BIRC6: variants seen among roughly 807,000 people sequenced by gnomAD.
The protein encoded by BIRC6 is baculoviral IAP repeat containing 6.
Under a neutral mutation model 503.3 loss-of-function variants are expected in BIRC6, and 98 were observed. The observed-to-expected ratio is 0.19, with a 90% CI of 0.17 to 0.23. The LOEUF is 0.23. Among genes scored for constraint, BIRC6 ranks in the 10% least tolerant of loss-of-function variants. BIRC6 has a pLI of 1.00. For missense variants in BIRC6, 5,360 were observed against 5,806.0 expected (o/e 0.92, Z 2.50); for synonymous variants, 2,240 against 2,078.7 (o/e 1.08, Z -2.11).
At chr2:32,519,826 C>A (rs1040585462) in intron 57 of BIRC6, among the ~76,000 whole-genome samples, 1 of 152,118 alleles carries the variant, frequency 6.6e-6, no homozygotes, top group African/African-American at 2.4e-5. Flanking sequence ...CCCATATCAA[C>A]TTTAGATAGT....
In BIRC6 at chr2:32,441,390, G is replaced by A. The variant is rs753493760; in HGVS notation, c.3872G>A (p.Arg1291Gln). 4 of 1,609,590 alleles carry A rather than the reference G, an allele frequency of 2.5e-6. No individual in the cohort carries two copies. In the African/African-American group the frequency reaches 4.0e-5, roughly 16 times the overall value. ...TSGTRKSENLRGCDLLQEVSV... is the reference protein window; with the variant it reads ...TSGTRKSENLQGCDLLQEVSV... ...GGCACCCGTAAATCTGAAAACCTCCGGGGCTGTGATTTACTTCAAGAGGTC... is the reference window on the plus strand; with the variant it reads ...GGCACCCGTAAATCTGAAAACCTCCAGGGCTGTGATTTACTTCAAGAGGTC... The change falls in exon 17 of 74, where the codon CGG becomes CAG. Residue 1291 changes from arginine (R) to glutamine (Q), a missense_variant. Transcript: ENST00000421745.
rs1223260431 is a variant in BIRC6, at chr2:32,577,188, T to C, written c.13355+1822T>C. ...TATTCCCTTCCCTGGCCATCTGTGT[T>C]GCTTATTCTTGTAGAATAAACATAG... On this transcript the variant is annotated intron_variant, in intron 66 of 73. Coordinates refer to ENST00000421745, the MANE Select transcript of BIRC6 (RefSeq NM_016252.4). Among the ~76,000 whole-genome samples the C allele has an allele frequency of 2.0e-5, 3 of 152,168 alleles. No homozygotes were observed. The South Asian group carries it at 6.2e-4, about 31-fold the overall frequency.
At chr2:32,391,379 G>C (rs1206035244) in intron 4 of BIRC6, among the ~76,000 whole-genome samples, 3 of 152,020 alleles carry the variant, frequency 2.0e-5, no homozygotes, top group Non-Finnish European at 4.4e-5. Context: ...CTGTTTTATT[G>C]GGTAATATAA....
chr2:32,532,218 T>C (rs745706952), intron 61 of BIRC6: 7 of 530,424 alleles, frequency 1.3e-5, no homozygotes, highest in Non-Finnish European at 2.3e-5. Context: ...TTTCCTGAGC[T>C]GCTGTACCAA....
intron 24 of BIRC6, among the ~76,000 whole-genome samples, chr2:32,464,094 T>C (rs576032760): frequency 6.6e-6 from 1 of 152,312 alleles, no homozygotes; most frequent in East Asian, 1.9e-4. Context: ...CAAAAGTGTC[T>C]TCCATGAAAC....
chr2:32,543,630 T>A (rs1365672559), intron 62 of BIRC6, 89 bp downstream of exon 62: 27 of 1,276,192 alleles, frequency 2.1e-5, no homozygotes, highest in Middle Eastern at 4.9e-4. Context: ...ATCATTTATT[T>A]CCTTCATAGT....
chr2:32,423,926 G>A (rs187065018), intron 10 of BIRC6, among the ~76,000 whole-genome samples: 77 of 152,252 alleles, frequency 5.1e-4, no homozygotes, highest in African/African-American at 1.8e-3. Flanking sequence ...CAGATTGTCT[G>A]TCACTGGTAT....
At chr2:32,368,665 C>T (rs1452845199) in intron 1 of BIRC6, among the ~76,000 whole-genome samples, 1 of 152,112 alleles carries the variant, frequency 6.6e-6, no homozygotes, top group African/African-American at 2.4e-5. Flanking sequence ...CCCCTGTCCC[C>T]TTTTGAAACG....
intron 15 of BIRC6, among the ~76,000 whole-genome samples, chr2:32,437,618 G>C (rs1035440449): frequency 6.6e-6 from 1 of 152,100 alleles, no homozygotes; most frequent in African/African-American, 2.4e-5. Flanking sequence ...TCTGGTTTTG[G>C]AATATTTGTG....
intron 34 of BIRC6, 40 bp downstream of exon 34, chr2:32,476,384 T>C (rs374774482): frequency 3.4e-5 from 52 of 1,528,278 alleles, no homozygotes; most frequent in Middle Eastern, 1.7e-4. Context: ...CTCAGAAAAG[T>C]CAAGGAGTTA....
chr2:32,567,176 G>A (rs937398379), intron 65 of BIRC6, among the ~76,000 whole-genome samples: 1 of 151,828 alleles, frequency 6.6e-6, no homozygotes, highest in Non-Finnish European at 1.5e-5. Context: ...TGCCATGTTG[G>A]CTAGGCTGGT....
chr2:32,550,160 G>C (rs919104560), intron 65 of BIRC6, among the ~76,000 whole-genome samples: 2 of 151,930 alleles, frequency 1.3e-5, no homozygotes, highest in African/African-American at 2.4e-5. Context: ...TTTCAACTCT[G>C]TTTTACTCAT....
intron 27 of BIRC6, 70 bp downstream of exon 27, chr2:32,467,809 T>C: frequency 6.9e-7 from 1 of 1,454,820 alleles, no homozygotes; most frequent in South Asian, 1.4e-5. Context: ...AATGAATATA[T>C]AATTAAAAAA....
chr2:32,373,646 A>G (rs1487001691), intron 1 of BIRC6, among the ~76,000 whole-genome samples: 2 of 152,226 alleles, frequency 1.3e-5, no homozygotes, highest in Non-Finnish European at 2.9e-5. Flanking sequence ...GTGGGAATAT[A>G]AAATGGTGCA....
Position 32,467,988 on chromosome 2 carries a change from C to G in BIRC6, c.5657C>G (p.Pro1886Arg). The G allele has an allele frequency of 6.2e-7, 1 of 1,613,738 alleles. No homozygotes were observed. The highest frequency in any genetic ancestry group is 8.5e-7 in the Non-Finnish European group (1 of 1,179,800). The change falls in exon 28 of 74, where the codon CCT (proline) becomes CGT (arginine). Residue 1886 changes from proline (P) to arginine (R), a missense_variant. Transcript: ENST00000421745. ...GFYYGHTYIL[P>R]WESELKLMHD... ...TACTATGGTCATACCTACATCTTGCCTTGGGAAAGTGAACTGAAGTTAATG... is the reference window on the plus strand; with the variant it reads ...TACTATGGTCATACCTACATCTTGCGTTGGGAAAGTGAACTGAAGTTAATG...
intron 4 of BIRC6, among the ~76,000 whole-genome samples, chr2:32,391,217 G>A (rs1048803294): frequency 6.6e-6 from 1 of 151,688 alleles, no homozygotes; most frequent in Admixed American, 6.6e-5. Context: ...GGGATATTCA[G>A]TATTTTTAGA....
chr2:32,421,175 T>C (rs1260041746), intron 10 of BIRC6, among the ~76,000 whole-genome samples: 1 of 151,204 alleles, frequency 6.6e-6, no homozygotes, highest in Non-Finnish European at 1.5e-5. Flanking sequence ...GGCTCGATCT[T>C]GGCTAACTGC....
chr2:32,357,042 C>T lies in BIRC6; in HGVS notation c.-120C>T, dbSNP rs1227948354. 1.1e-6 allele frequency: 1 copy of T among 895,564 alleles called. No homozygotes were observed. 55.5% of individuals were successfully genotyped at this position (895,564 alleles called of 1,614,324 possible). ...CCCCGCCTCCCTCCCTGCTTCTCCC[C>T]CTCTCCCGTCAGCCTCCCTCCGAGT... On this transcript the variant is annotated 5_prime_UTR_variant, in exon 1 of 74. Transcript: ENST00000421745. The surrounding 1 kb of genome is among the most constrained non-coding windows in gnomAD (Gnocchi z 4.9).
intron 8 of BIRC6, among the ~76,000 whole-genome samples, chr2:32,403,426 A>G (rs767210615): frequency 1.3e-5 from 2 of 152,180 alleles, no homozygotes; most frequent in African/African-American, 2.4e-5. Context: ...TCTTATTTAC[A>G]TTGAAGGACT....
Sources: allele counts gnomAD v4.1 joint callset (sites outside exome capture counted in the v4.1 genomes callset), GRCh38; gene constraint gnomAD v4.1.1; non-coding constraint Gnocchi (gnomAD v3.1); transcripts MANE v1.5; gene names NCBI Gene and HGNC (gene_info 2026-07-23, HGNC 2026-07-21).